The following PLEC variants were observed in gnomAD, a reference collection of about 807,000 sequenced individuals.
The protein encoded by PLEC is plectin, also known as hemidesmosomal protein 1.
In PLEC, 216 loss-of-function variants were observed where a neutral mutation model predicts 392.8. The ratio of observed to expected loss-of-function variants is 0.55; its 90% CI spans 0.49 to 0.62. The LOEUF (loss-of-function observed/expected upper bound fraction) is 0.62, where lower values mean the gene tolerates loss of function less well. Ranked by LOEUF, PLEC falls within the 20% of genes least tolerant of loss-of-function variation. The pLI is 0.00. For missense variants in PLEC, 6,863 were observed against 6,563.4 expected, an observed-to-expected ratio of 1.05 and a Z score of -1.58; for synonymous variants, 3,621 against 2,980.6, an observed-to-expected ratio of 1.21 and a Z score of -7.00.
chr8:143,916,792 C>G lies in PLEC; in HGVS notation c.13029G>C (p.Lys4343Asn). ...CCAGGTTGATGCGGTCCACCATGAT[C>G]TTGTCCACCAGGCCCTTGTTGACGG... The part of the protein sequence containing the change: ...TDAVNKGLVD[K>N]IMVDRINLAQ... Residue 4343 changes from lysine (K) to asparagine (N), a missense_variant, in exon 32 of 32, where the codon AAG (lysine) becomes AAC (asparagine). Lys to Asn is a moderately conservative substitution (Grantham distance 94, BLOSUM62 0). Transcript: ENST00000345136. 2 of 1,613,294 alleles carry G rather than the reference C, an allele frequency of 1.2e-6. No homozygotes were observed. The highest frequency in any genetic ancestry group is 1.7e-6 in the Non-Finnish European group (2 of 1,179,966).
rs782284724 is a variant in PLEC, at chr8:143,922,503, C to T, written c.7425+1G>A. 5.6e-6 allele frequency: 9 copies of T among 1,608,248 alleles called. No homozygotes were observed. ...CCCGTCGCACGTAGAGGGGGCGGTA[C>T]CTCCTCAGACTTGAGCTGCAGCAGT... On this transcript the variant is annotated splice_donor_variant, in intron 31 of 31. Transcript: ENST00000345136. LOFTEE classifies it high-confidence loss of function.
upstream of PLEC, among the ~76,000 whole-genome samples, chr8:143,941,194 T>G (rs1554728472): frequency 6.6e-6 from 1 of 152,148 alleles, no homozygotes; most frequent in Non-Finnish European, 1.5e-5. Context: ...GGCCCGGCCG[T>G]GACCAGGTGG....
Position 143,925,272 on chromosome 8 carries a change from G to T in PLEC, c.4657C>A (p.Arg1553=). ...LQAEEAERRL[R]QAEVERARQV... ...CGCGCTCGCTCCACCTCGGCCTGCC[G>T]CAGGCGCCGCTCCGCCTCCTCCGCC... is the stretch of plus-strand genomic sequence containing the variant. Residue 1553 remains arginine, a synonymous_variant, in exon 31 of 32, where the codon CGG becomes AGG. Transcript: ENST00000345136. 6.3e-7 allele frequency: 1 copy of T among 1,580,446 alleles called. No individual in the cohort carries two copies. Among genetic ancestry groups the T allele is most frequent in the Admixed American group, 1.7e-5 (1 of 58,816 alleles).
chr8:143,929,704 C>T lies in PLEC; in HGVS notation c.2865G>A (p.Glu955=). The T allele has an allele frequency of 6.3e-7, 1 of 1,599,794 alleles. No individual in the cohort carries two copies. The change falls in exon 23 of 32, where the codon GAG becomes GAA. Residue 955 remains glutamate, a synonymous_variant. Transcript: ENST00000345136. ...GFGPEDRLMA[E]REYGSCSHHY... is the part of the protein sequence containing the mutation. ...GGTGGCTGCAGGAGCCGTACTCGCG[C>T]TCAGCCATCAGCCGGTCCTCGGGTC...
rs1554712049 is a variant in PLEC, at chr8:143,929,795, G to C, written c.2774C>G (p.Ala925Gly). The change falls in exon 23 of 32, where the codon GCC (alanine) becomes GGC (glycine). Residue 925 changes from alanine to glycine, a missense_variant. Physicochemically the swap from Ala to Gly is moderately conservative, Grantham distance 60. Coordinates refer to ENST00000345136, the MANE Select transcript of PLEC (RefSeq NM_201384.3). Reference sequence around the variant, plus strand: ...GTAGTGCAGCTCCAGGCTGTGCAGGGCTTGGCGCTGCTCCTCTGGCTTCAG... The same window carrying C: ...GTAGTGCAGCTCCAGGCTGTGCAGGCCTTGGCGCTGCTCCTCTGGCTTCAG... ...RTLKPEEQRQ[A>G]LHSLELHYQA... is the part of the protein sequence containing the mutation. The C allele has an allele frequency of 6.3e-7, 1 of 1,599,580 alleles. No homozygotes were observed. Among genetic ancestry groups the C allele is most frequent in the Non-Finnish European group, 8.5e-7 (1 of 1,178,560 alleles).
At position 143,925,657 on chromosome 8, in the gene PLEC, C is replaced by T. The variant is rs1554703583; in HGVS notation, c.4272G>A (p.Gln1424=). ...TCTCCGCCTCCGAGCTCTGCCGCAG[C>T]TGCTGCAGCTCCTCCTGAATGCTGC... is the stretch of plus-strand genomic sequence containing the variant. ...QKRSIQEELQ[Q]LRQSSEAEIQ... Residue 1424 remains glutamine, a synonymous_variant, in exon 31 of 32, where the codon CAG becomes CAA. Coordinates refer to ENST00000345136, the MANE Select transcript of PLEC (RefSeq NM_201384.3). 1 of 1,587,294 alleles carries T rather than the reference C, an allele frequency of 6.3e-7. No homozygotes were observed. The highest frequency in any genetic ancestry group is 2.3e-5 in the East Asian group (1 of 44,280).
Position 143,920,047 on chromosome 8 carries a change from G to A in PLEC, c.9774C>T (p.Ser3258=), listed in dbSNP as rs781895991. The A allele has an allele frequency of 6.2e-7, 1 of 1,613,322 alleles. No homozygotes were observed. The highest frequency in any genetic ancestry group is 8.5e-7 in the Non-Finnish European group (1 of 1,180,036). ...GRTVTVWELI[S]SEYFTAEQRQ... ...GCTGCTCCGCAGTGAAGTACTCAGA[G>A]CTGATGAGCTCCCACACCGTCACCG... is the stretch of plus-strand genomic sequence containing the variant. The change falls in exon 32 of 32, where the codon AGC becomes AGT. Residue 3258 remains serine (S), a synonymous_variant. Transcript: ENST00000345136.
Position 143,921,646 on chromosome 8 carries a change from C to T in PLEC, c.8175G>A (p.Thr2725=), listed in dbSNP as rs1209777415. The T allele has an allele frequency of 1.7e-5, 28 of 1,612,946 alleles. No homozygotes were observed. The highest frequency in any genetic ancestry group is 3.3e-5 in the South Asian group (3 of 91,088). ...ALQRQLLSPG[T]ALILLEAQAA... ...CCTGCGCCTCCAGCAGGATGAGGGCCGTGCCGGGACTCAGCAGCTGCCTCT... is the reference window on the plus strand; with the variant it reads ...CCTGCGCCTCCAGCAGGATGAGGGCTGTGCCGGGACTCAGCAGCTGCCTCT... The change falls in exon 32 of 32, where the codon ACG becomes ACA. Residue 2725 remains threonine (T), a synonymous_variant. Transcript: ENST00000345136.
At chr8:143,929,007 A>G (rs1826199414) in intron 25 of PLEC, 96 bp downstream of exon 25, 2 of 1,151,966 alleles carry the variant, frequency 1.7e-6, no homozygotes, top group African/African-American at 3.1e-5. Context: ...ACAGCCCCCA[A>G]CTCGTTCCCT....
Position 143,917,631 on chromosome 8 carries a change from C to T in PLEC, c.12190G>A (p.Glu4064Lys), listed in dbSNP as rs200206105. Residue 4064 changes from glutamate to lysine, a missense_variant, in exon 32 of 32, where the codon GAG (glutamate) becomes AAG (lysine). Physicochemically the swap from Glu to Lys is moderately conservative, Grantham distance 56. Coordinates refer to ENST00000345136, the MANE Select transcript of PLEC (RefSeq NM_201384.3). ...AAGAGGCCGCGCTTGTAGGCCACCT[C>T]CACGGGCAGCCGGTGGCTCTCCTCA... ...DPEESHRLPV[E>K]VAYKRGLFDE... 1,384 of 1,613,604 alleles carry T rather than the reference C, an allele frequency of 8.6e-4. 2 individuals carry two copies. The highest frequency in any genetic ancestry group is 9.8e-4 in the Non-Finnish European group (1,161 of 1,180,036).
chr8:143,941,010 G>C (rs147923557), upstream of PLEC, among the ~76,000 whole-genome samples: 1 of 152,318 alleles, frequency 6.6e-6, no homozygotes, highest in East Asian at 1.9e-4. Context: ...ATCAAAATCT[G>C]ACCCCGCACT....
chr8:143,961,447 T>A (rs1832868941), intron 1 of PLEC, among the ~76,000 whole-genome samples: 1 of 152,170 alleles, frequency 6.6e-6, no homozygotes, highest in Non-Finnish European at 1.5e-5. Flanking sequence ...GCTGGTCTCG[T>A]ACTCCTGACC....
At chr8:143,944,776 G>A (rs1421606380) in intron 1 of PLEC, 7 of 1,159,020 alleles carry the variant, frequency 6.0e-6, no homozygotes, top group Admixed American at 4.2e-5. Context: ...GTGGGAGGAG[G>A]GCACGGCCGT....
Position 143,934,676 on chromosome 8 carries a change from C to T in PLEC, c.1000G>A (p.Ala334Thr), listed in dbSNP as rs375047877. ...FKEMELPAKE[A>T]DKNRSKGIYQ... ...ATGCCCTTGGACCTGTTCTTGTCGG[C>T]CTCCTTGGCTGGTAGCTCCATCTCC... The change falls in exon 10 of 32, where the codon GCC becomes ACC. Residue 334 changes from alanine to threonine, a missense_variant. Coordinates refer to ENST00000345136, the MANE Select transcript of PLEC (RefSeq NM_201384.3). 3.2e-5 allele frequency: 52 copies of T among 1,613,020 alleles called. No homozygotes were observed. The highest frequency in any genetic ancestry group is 2.8e-4 in the Admixed American group (17 of 60,006).
rs782738765 is a variant in PLEC, at chr8:143,923,310, C to T, written c.6619G>A (p.Glu2207Lys). The change falls in exon 31 of 32, where the codon GAG becomes AAG. Residue 2207 changes from glutamate (E) to lysine (K), a missense_variant. Coordinates refer to ENST00000345136, the MANE Select transcript of PLEC (RefSeq NM_201384.3). Reference sequence around the variant, plus strand: ...TCCGCCTTCAGCCGCTGCAGCTCCTCGTCCAGCAGGTTCTTCTGGTGGTCG... The same window carrying T: ...TCCGCCTTCAGCCGCTGCAGCTCCTTGTCCAGCAGGTTCTTCTGGTGGTCG... The part of the protein sequence containing the change: ...ETDHQKNLLD[E>K]ELQRLKAEAT... The T allele has an allele frequency of 6.2e-6, 10 of 1,609,578 alleles. No homozygotes were observed. Among genetic ancestry groups the T allele is most frequent in the South Asian group, 1.1e-5 (1 of 90,858 alleles).
intron 1 of PLEC, among the ~76,000 whole-genome samples, chr8:143,972,391 A>C (rs547944339): frequency 2.0e-5 from 3 of 152,374 alleles, no homozygotes; most frequent in African/African-American, 7.2e-5. Flanking sequence ...GAGCCACAGC[A>C]GTACATCCAC....
At chr8:143,956,105 A>G (rs1041566275), upstream of PLEC, among the ~76,000 whole-genome samples, 1 of 152,092 alleles carries the variant, frequency 6.6e-6, no homozygotes. Flanking sequence ...GTGCCACCGC[A>G]CCGGGCTAAT....
chr8:143,955,735 G>A (rs1832553253), upstream of PLEC, among the ~76,000 whole-genome samples: 1 of 151,390 alleles, frequency 6.6e-6, no homozygotes, highest in African/African-American at 2.4e-5. Context: ...GAGTAGTTGG[G>A]ACTACAGGCG....
rs979599396 is a variant in PLEC at position 143,923,725 on chromosome 8, C to T, written c.6204G>A (p.Thr2068=). Residue 2068 remains threonine, a synonymous_variant, in exon 31 of 32, where the codon ACG becomes ACA. Transcript: ENST00000345136. ...VQQKEQELQQ[T]LQQEQSVLDQ... Reference sequence around the variant, plus strand: ...CCAGCACGCTCTGCTCCTGCTGCAGCGTCTGCTGTAGCTCCTGCTCCTTCT... The same window carrying T: ...CCAGCACGCTCTGCTCCTGCTGCAGTGTCTGCTGTAGCTCCTGCTCCTTCT... The T allele has an allele frequency of 4.7e-5, 73 of 1,544,556 alleles. No individual in the cohort carries two copies. The highest frequency in any genetic ancestry group is 5.6e-5 in the Non-Finnish European group (65 of 1,151,378).
Sources: gnomAD v4.1 joint callset for allele counts (sites outside exome capture counted in the v4.1 genomes callset) on GRCh38, gnomAD v4.1.1 for gene constraint, MANE v1.5 for transcripts, NCBI Gene and HGNC (gene_info 2026-07-23, HGNC 2026-07-21) for gene names.